Variants in ZNF773 observed in about 807,000 individuals in gnomAD.
ZNF773 encodes the protein zinc finger protein 773, also known as zinc finger protein 419B.
A neutral mutation model predicts 12.8 loss-of-function variants in ZNF773; 11 were observed. That is an observed-to-expected ratio of 0.86 (90% confidence interval 0.54 to 1.42). The LOEUF (loss-of-function observed/expected upper bound fraction) is 1.42. Among genes scored for constraint, ZNF773 ranks in the 40% most tolerant of loss-of-function variants. The probability of loss-of-function intolerance (pLI) is 0.00; values close to 1 mark genes in which losing one functional copy is unlikely to be tolerated. For missense variants in ZNF773, 518 were observed against 527.2 expected (o/e 0.98, Z 0.17); for synonymous variants, 175 against 178.4 (o/e 0.98, Z 0.15).
At chr19:57,501,281 CTT>C (rs11456589) in intron 1 of ZNF773, among the ~76,000 whole-genome samples, 9 of 137,474 alleles carry the variant, frequency 6.5e-5, no homozygotes, top group Admixed American at 2.2e-4. Flanking sequence ...CTTTTTCTTT[CTT>C]TTTTTTTTTT....
At position 57,506,756 on chromosome 19, in the gene ZNF773, T is replaced by C; in HGVS notation, c.661T>C (p.Cys221Arg). ...RLHTGEKPYE[C>R]SECGKLFSHK... ...GCACACTGGGGAAAAGCCTTATGAA[T>C]GCAGTGAATGTGGGAAGTTATTTAG... is the stretch of plus-strand genomic sequence containing the variant. The change falls in exon 4 of 4, where the codon TGC (cysteine) becomes CGC (arginine). Residue 221 changes from cysteine to arginine, a missense_variant. Physicochemically the swap from Cys to Arg is radical, Grantham distance 180. Coordinates refer to ENST00000282292, the MANE Select transcript of ZNF773 (RefSeq NM_198542.3). 1.2e-6 allele frequency: 2 copies of C among 1,614,244 alleles called. No individual in the cohort carries two copies. The highest frequency in any genetic ancestry group is 2.2e-5 in the South Asian group (2 of 91,086).
At chr19:57,515,674 A>G (rs2089827262), downstream of ZNF773, 1 of 152,172 alleles carries the variant, frequency 6.6e-6, no homozygotes, top group African/African-American at 2.4e-5. Context: ...CTGACAATGG[A>G]CCTGCTTATG....
At chr19:57,512,281 A>G (rs974603274), downstream of ZNF773, among the ~76,000 whole-genome samples, 37 of 152,330 alleles carry the variant, frequency 2.4e-4, no homozygotes, top group East Asian at 5.8e-3. Context: ...CTATTTTATC[A>G]TTTACTACCA....
rs368417936 is a variant in ZNF773, at chr19:57,506,548, A to G, written c.453A>G (p.Glu151=). Residue 151 remains glutamate, a synonymous_variant, in exon 4 of 4, where the codon GAA becomes GAG. Transcript: ENST00000282292. Reference sequence around the variant, plus strand: ...CAGAGAAGTCCTTGCAAAGCAGGGAAGTTGGGAAGGATCTTCTGACCAGCT... The same window carrying G: ...CAGAGAAGTCCTTGCAAAGCAGGGAGGTTGGGAAGGATCTTCTGACCAGCT... ...HLSEKSLQSR[E]VGKDLLTSSG... The G allele has an allele frequency of 3.3e-5, 53 of 1,614,168 alleles. 1 individual carries two copies. In the South Asian group the frequency reaches 3.7e-4, roughly 11 times the overall value.
rs764012811 is a variant in ZNF773 at position 57,507,147 on chromosome 19, G to A, written c.1052G>A (p.Arg351His). The change falls in exon 4 of 4, where the codon CGT becomes CAT. Residue 351 changes from arginine (R) to histidine (H), a missense_variant. Physicochemically the swap from Arg to His is conservative, Grantham distance 29. Transcript: ENST00000282292. ...AAGTCCAGCCTTATCAATCATTGGC[G>A]TGTTCACACTGGAGAAAGGCCTTAT... ...SHKSSLINHW[R>H]VHTGERPYEC... 46 of 1,613,754 alleles carry A rather than the reference G, an allele frequency of 2.9e-5. No individual in the cohort carries two copies. The highest frequency in any genetic ancestry group is 2.5e-4 in the South Asian group (23 of 91,068).
At chr19:57,505,563 T>C (rs1433878178) in intron 3 of ZNF773, among the ~76,000 whole-genome samples, 163 bp downstream of exon 3, 1 of 152,130 alleles carries the variant, frequency 6.6e-6, no homozygotes, top group East Asian at 1.9e-4. Context: ...ATTCTGATAG[T>C]TGACCCAGGG....
downstream of ZNF773, among the ~76,000 whole-genome samples, chr19:57,509,953 A>G (rs2089782034): frequency 6.6e-6 from 1 of 152,262 alleles, no homozygotes; most frequent in African/African-American, 2.4e-5. Context: ...TATGAAAGTT[A>G]TCATTAACAG....
At chr19:57,504,934 G>T in intron 2 of ZNF773, 148 bp downstream of exon 2, 2 of 1,253,542 alleles carry the variant, frequency 1.6e-6, no homozygotes, top group South Asian at 1.3e-5. Flanking sequence ...ATAGGCCTGG[G>T]CTGTGTATAC....
chr19:57,500,462 G>A (rs368626870), intron 1 of ZNF773, among the ~76,000 whole-genome samples: 716 of 149,482 alleles, frequency 4.8e-3, no homozygotes, highest in African/African-American at 0.017. Context: ...CTCAAAGTTT[G>A]CCAAAGGCCC....
downstream of ZNF773, among the ~76,000 whole-genome samples, chr19:57,510,085 C>A (rs772480217): frequency 6.6e-6 from 1 of 152,184 alleles, no homozygotes; most frequent in Admixed American, 6.5e-5. Flanking sequence ...TGGGTCTCTT[C>A]CAAGTATACT....
At position 57,506,348 on chromosome 19, in the gene ZNF773, C is replaced by A. The variant is rs1304522817; in HGVS notation, c.263-10C>A. On this transcript the variant is annotated splice_polypyrimidine_tract_variant and intron_variant, in intron 3 of 3. Coordinates refer to ENST00000282292, the MANE Select transcript of ZNF773 (RefSeq NM_198542.3). ...CTACATTTACTTCATCAACATTTCT[C>A]TTCTTTCAGGTAGTTGGCAAGGAGC... is the stretch of plus-strand genomic sequence containing the variant. 5 of 1,597,420 alleles carry A rather than the reference C, an allele frequency of 3.1e-6. No homozygotes were observed. The highest frequency in any genetic ancestry group is 3.4e-4 in the Middle Eastern group (2 of 5,924).
chr19:57,500,235 T>C (rs2089653775), intron 1 of ZNF773, 122 bp downstream of exon 1: 2 of 1,336,072 alleles, frequency 1.5e-6, no homozygotes, highest in African/African-American at 3.0e-5. Context: ...TGACACGCAG[T>C]GTGATGGGGT....
downstream of ZNF773, chr19:57,514,153 A>C (rs2089817465): frequency 6.6e-6 from 1 of 152,242 alleles, no homozygotes; most frequent in Non-Finnish European, 1.5e-5. Flanking sequence ...ATCTTACATC[A>C]GTTATTCAGA....
rs1164262158 is a variant in ZNF773 at position 57,504,749 on chromosome 19, T to C, written c.126T>C (p.Asn42=). 3 of 1,613,778 alleles carry C rather than the reference T, an allele frequency of 1.9e-6. No homozygotes were observed. Among genetic ancestry groups the C allele is most frequent in the East Asian group, 2.2e-5 (1 of 44,830 alleles). ...LDDAQRLLYR[N]VMLENFTLLA... ...ACGCTCAGAGGCTCCTCTACCGCAA[T>C]GTGATGCTGGAGAACTTTACACTTC... The change falls in exon 2 of 4, where the codon AAT becomes AAC. Residue 42 remains asparagine, a synonymous_variant. Transcript: ENST00000282292.
In ZNF773 at chr19:57,506,711, C is replaced by T. The variant is rs553995669; in HGVS notation, c.616C>T (p.Leu206Phe). 3 of 1,614,226 alleles carry T rather than the reference C, an allele frequency of 1.9e-6. No homozygotes were observed. The highest frequency in any genetic ancestry group is 1.7e-6 in the Non-Finnish European group (2 of 1,180,046). ...GAAAGCCTTTGGTCAGAAATATTTA[C>T]TTGTTCAGCACCAGAGACTGCACAC... ...CGKAFGQKYLLVQHQRLHTGE... is the reference protein window; with the variant it reads ...CGKAFGQKYLFVQHQRLHTGE... The change falls in exon 4 of 4, where the codon CTT (leucine) becomes TTT (phenylalanine). Residue 206 changes from leucine to phenylalanine, a missense_variant. Transcript: ENST00000282292.
intron 3 of ZNF773, among the ~76,000 whole-genome samples, chr19:57,505,613 C>A (rs958068386): frequency 1.3e-5 from 2 of 152,100 alleles, no homozygotes; most frequent in African/African-American, 4.8e-5. Flanking sequence ...TCACCCCATC[C>A]TCAGCAGCAC....
At chr19:57,508,815 T>C (rs2089774500), downstream of ZNF773, among the ~76,000 whole-genome samples, 1 of 152,020 alleles carries the variant, frequency 6.6e-6, no homozygotes, top group Non-Finnish European at 1.5e-5. Context: ...TGCTTATTCG[T>C]CACACGTATA....
In ZNF773 at chr19:57,505,476, G is replaced by A; in HGVS notation, c.262+76G>A. The A allele has an allele frequency of 6.6e-6, 10 of 1,525,304 alleles. 1 individual carries two copies. In the Middle Eastern group the frequency reaches 8.5e-4, roughly 130 times the overall value. The allele number at this position is 1,525,304 out of a possible 1,614,324, so 94.5% of individuals were successfully genotyped here. Reference sequence around the variant, plus strand: ...ATCATACCAGGAGTCTTTCCAGTGGGCCCAGATATTTTGATACCAAGGCAA... The same window carrying A: ...ATCATACCAGGAGTCTTTCCAGTGGACCCAGATATTTTGATACCAAGGCAA... On this transcript the variant is annotated intron_variant, in intron 3 of 3. Transcript: ENST00000282292.
Position 57,507,130 on chromosome 19 carries a change from C to G in ZNF773, c.1035C>G (p.Ser345Arg), listed in dbSNP as rs1227512204. The G allele has an allele frequency of 6.2e-7, 1 of 1,613,556 alleles. No homozygotes were observed. Among genetic ancestry groups the G allele is most frequent in the Non-Finnish European group, 8.5e-7 (1 of 1,179,928 alleles). ...ECGKFYSHKS[S>R]LINHWRVHTG... ...GAAAATTCTATAGCCACAAGTCCAG[C>G]CTTATCAATCATTGGCGTGTTCACA... Residue 345 changes from serine to arginine, a missense_variant, in exon 4 of 4, where the codon AGC becomes AGG. Transcript: ENST00000282292.
Sources: allele counts gnomAD v4.1 joint callset (sites outside exome capture counted in the v4.1 genomes callset), GRCh38; gene constraint gnomAD v4.1.1; transcripts MANE v1.5; gene names NCBI Gene and HGNC (gene_info 2026-07-23, HGNC 2026-07-21).